The following SIGLEC11 variants were observed in gnomAD, a reference collection of about 807,000 sequenced individuals.
SIGLEC11 encodes sialic acid-binding Ig-like lectin 11.
In SIGLEC11, 47 loss-of-function variants were observed where a neutral mutation model predicts 61.2. The ratio of observed to expected loss-of-function variants is 0.77; its 90% CI spans 0.61 to 0.98. The LOEUF (loss-of-function observed/expected upper bound fraction) is 0.98, where lower values mean the gene tolerates loss of function less well. Among genes scored for constraint, SIGLEC11 ranks in the 50% least tolerant of loss-of-function variants. SIGLEC11 has a pLI of 0.00. For synonymous variants in SIGLEC11, 278 were observed against 373.1 expected (o/e 0.75, Z 2.94); for missense variants, 610 against 870.3 (o/e 0.70, Z 3.76).
At position 49,950,208 on chromosome 19, in the gene SIGLEC11, C is replaced by A; in HGVS notation, c.1859G>T (p.Ser620Ile). ...QGHQHECSAG[S>I]SQDHPPPGAA... The stretch of plus-strand genomic sequence containing the variant: ...ACCTGGGGGCGGGTGGTCTTGGGAG[C>A]TGCCTGCCGAGCATTCATGCTGGTG... The change falls in exon 11 of 11, where the codon AGC becomes ATC. Residue 620 changes from serine to isoleucine, a missense_variant. Transcript: ENST00000447370. 6.3e-7 allele frequency: 1 copy of A among 1,596,408 alleles called. No individual in the cohort carries two copies. Among genetic ancestry groups the A allele is most frequent in the South Asian group, 1.1e-5 (1 of 89,634 alleles).
At chr19:49,952,976 C>T (rs899848136) in intron 8 of SIGLEC11, among the ~76,000 whole-genome samples, 3 of 152,212 alleles carry the variant, frequency 2.0e-5, no homozygotes, top group Non-Finnish European at 2.9e-5. Flanking sequence ...TCCACTGAGC[C>T]GGTTTGCACC....
In SIGLEC11 at chr19:49,950,173, A is replaced by T; in HGVS notation, c.1894T>A (p.Tyr632Asn). ...TGCTCTTCCCCCTTCCCCGGGGTGT[A>T]GGTGGCTGCACCTGGGGGCGGGTGG... Reference protein sequence around the residue: ...QDHPPPGAATYTPGKGEEQEL... With the variant: ...QDHPPPGAATNTPGKGEEQEL... Residue 632 changes from tyrosine (Y) to asparagine (N), a missense_variant, in exon 11 of 11, where the codon TAC (tyrosine) becomes AAC (asparagine). Physicochemically the swap from Tyr to Asn is moderately radical, Grantham distance 143 (BLOSUM62 -2). This residue lies in a region of SIGLEC11 where 432 missense variants were observed against 441.5 expected (regional missense o/e 0.98). Transcript: ENST00000447370. The T allele has an allele frequency of 6.2e-7, 1 of 1,609,948 alleles. No individual in the cohort carries two copies. Among genetic ancestry groups the T allele is most frequent in the Non-Finnish European group, 8.5e-7 (1 of 1,178,936 alleles).
At chr19:49,950,994 C>T (rs942071903) in intron 10 of SIGLEC11, among the ~76,000 whole-genome samples, 1 of 152,174 alleles carries the variant, frequency 6.6e-6, no homozygotes, top group South Asian at 2.1e-4. Context: ...GAAGGAACCT[C>T]TAATGTAGGG....
At position 49,958,671 on chromosome 19, in the gene SIGLEC11, C is replaced by T; in HGVS notation, c.1335G>A (p.Gln445=). 1.2e-6 allele frequency: 2 copies of T among 1,605,762 alleles called. No individual in the cohort carries two copies. Among genetic ancestry groups the T allele is most frequent in the Non-Finnish European group, 1.7e-6 (2 of 1,175,840 alleles). ...GCACGGAGAGGCTGAGAGAGACGTG[C>T]TGGGAGCCCAGAGGGTGCTGAGCGT... The part of the protein sequence containing the change: ...TCHAQHPLGS[Q]HVSLSLSVHY... The change falls in exon 7 of 11, where the codon CAG becomes CAA. Residue 445 remains glutamine, a synonymous_variant. Transcript: ENST00000447370.
At chr19:49,959,167 T>A (rs995644306) in intron 5 of SIGLEC11, 90 bp from the exon 6 acceptor site, 1 of 1,593,474 alleles carries the variant, frequency 6.3e-7, no homozygotes, top group African/African-American at 1.4e-5. Flanking sequence ...GTGGGGGAAG[T>A]GGGTGGGATA....
chr19:49,950,420 C>T (rs546105524), intron 10 of SIGLEC11, among the ~76,000 whole-genome samples, 184 bp from the exon 11 acceptor site: 3 of 152,218 alleles, frequency 2.0e-5, no homozygotes, highest in African/African-American at 7.2e-5. Context: ...TATTTGAGAA[C>T]AATAACATCT....
Position 49,958,447 on chromosome 19 carries a change from C to G in SIGLEC11, c.1487G>C (p.Gly496Ala), listed in dbSNP as rs2076214116. 2 of 1,613,580 alleles carry G rather than the reference C, an allele frequency of 1.2e-6. No individual in the cohort carries two copies. Among genetic ancestry groups the G allele is most frequent in the African/African-American group, 2.7e-5 (2 of 75,052 alleles). The change falls in exon 8 of 11, where the codon GGG (glycine) becomes GCG (alanine). Residue 496 changes from glycine to alanine, a missense_variant. By Grantham distance (60) the Gly-to-Ala change is moderately conservative. This residue lies in a region of SIGLEC11 where 432 missense variants were observed against 441.5 expected (regional missense o/e 0.98). Transcript: ENST00000447370. ...CTCGAAGGAGCCCTGACTGCTGTTC[C>G]CCTCCAGCAGCTCCTCCCCAAGCCA... ...RWWLGEELLE[G>A]NSSQGSFEVT... is the part of the protein sequence containing the mutation.
Position 49,960,356 on chromosome 19 carries a change from T to C in SIGLEC11, c.526A>G (p.Ile176Val). 1.3e-6 allele frequency: 2 copies of C among 1,599,940 alleles called. No individual in the cohort carries two copies. Among genetic ancestry groups the C allele is most frequent in the Non-Finnish European group, 1.7e-6 (2 of 1,178,244 alleles). ...TLEPGQPVTV[I>V]CVFNWAFKKC... ...TTGAAAGCCCAGTTAAACACACAGA[T>C]GACCGTCACCGGCTGCCCGGGCTCC... Residue 176 changes from isoleucine (I) to valine (V), a missense_variant, in exon 3 of 11, where the codon ATC becomes GTC. Physicochemically the swap from Ile to Val is conservative, Grantham distance 29. Around this residue, in one of 6 missense-constraint regions of SIGLEC11, gnomAD observed 99 missense variants for 131.6 expected, o/e 0.75. Coordinates refer to ENST00000447370, the MANE Select transcript of SIGLEC11 (RefSeq NM_052884.3).
At chr19:49,953,807 C>T (rs184605277) in intron 8 of SIGLEC11, among the ~76,000 whole-genome samples, 6 of 151,996 alleles carry the variant, frequency 3.9e-5, no homozygotes, top group African/African-American at 1.4e-4. Flanking sequence ...TGTGCTGGGC[C>T]GTAAAGGAAG....
chr19:49,950,326 ATT>A (rs1291685062), intron 10 of SIGLEC11, 90 bp from the exon 11 acceptor site: 5 of 1,313,368 alleles, frequency 3.8e-6, no homozygotes, highest in Admixed American at 3.2e-5. Flanking sequence ...GAAATTGAGT[ATT>A]TCCTGTTTCA....
chr19:49,950,797 G>A (rs1023207484), intron 10 of SIGLEC11, among the ~76,000 whole-genome samples: 2 of 152,200 alleles, frequency 1.3e-5, no homozygotes, highest in African/African-American at 4.8e-5. Context: ...ATAAGTGGAT[G>A]CCCAGGAAGG....
Position 49,960,617 on chromosome 19 carries a change from C to T in SIGLEC11, c.395G>A (p.Arg132Gln), listed in dbSNP as rs145971205. The change falls in exon 2 of 11, where the codon CGG becomes CAG. Residue 132 changes from arginine (R) to glutamine (Q), a missense_variant. Physicochemically the swap from Arg to Gln is conservative, Grantham distance 43 (BLOSUM62 1). Transcript: ENST00000447370. Reference sequence around the variant, plus strand: ...TCTCACACGGCTTCCTCTCTCCACCCGAAAGAAGTACCATGCCTCATCCTC... The same window carrying T: ...TCTCACACGGCTTCCTCTCTCCACCTGAAAGAAGTACCATGCCTCATCCTC... ...QREDEAWYFF[R>Q]VERGSRVRHS... 144 of 1,600,846 alleles carry T rather than the reference C, an allele frequency of 9.0e-5. No individual in the cohort carries two copies. The highest frequency in any genetic ancestry group is 6.7e-4 in the East Asian group (30 of 44,884).
Position 49,949,483 on chromosome 19 carries a change from T to C in SIGLEC11, c.*487A>G, listed in dbSNP as rs2122873685. ...TGTGCTTTACACATCCAGAGAAGCT[T>C]CTGTAGTAATGAACCATAGACACGA... On this transcript the variant is annotated 3_prime_UTR_variant, in exon 11 of 11. Coordinates refer to ENST00000447370, the MANE Select transcript of SIGLEC11 (RefSeq NM_052884.3). 6.6e-6 allele frequency: 1 copy of C among 152,084 alleles called. No individual in the cohort carries two copies. The highest frequency in any genetic ancestry group is 2.1e-4 in the South Asian group (1 of 4,810). 9.4% of individuals were successfully genotyped at this position (152,084 alleles called of 1,614,324 possible).
intron 9 of SIGLEC11, 56 bp downstream of exon 9, chr19:49,952,242 G>A: frequency 6.5e-7 from 1 of 1,547,728 alleles, no homozygotes; most frequent in Non-Finnish European, 8.9e-7. Context: ...GACTGTCTGG[G>A]ATTCTAGAAC....
chr19:49,958,136 C>A, intron 8 of SIGLEC11, 147 bp downstream of exon 8: 1 of 1,151,376 alleles, frequency 8.7e-7, no homozygotes, highest in East Asian at 2.5e-5. Flanking sequence ...CCTCAGTTTC[C>A]CGCAACAACT....
At chr19:49,957,471 G>A (rs2076204945) in intron 8 of SIGLEC11, among the ~76,000 whole-genome samples, 1 of 150,404 alleles carries the variant, frequency 6.6e-6, no homozygotes, top group Admixed American at 6.6e-5. Context: ...TGTTTAAAAA[G>A]CCAAGGCCAA....
At chr19:49,957,114 C>T (rs927118685) in intron 8 of SIGLEC11, among the ~76,000 whole-genome samples, 1 of 152,152 alleles carries the variant, frequency 6.6e-6, no homozygotes, top group African/African-American at 2.4e-5. Flanking sequence ...TTGCCGAATA[C>T]TCCCTTGTCT....
At chr19:49,953,200 G>A (rs796141115) in intron 8 of SIGLEC11, among the ~76,000 whole-genome samples, 9 of 152,282 alleles carry the variant, frequency 5.9e-5, no homozygotes, top group East Asian at 1.9e-4. Flanking sequence ...CTGAGCCGGC[G>A]CCCCTACCCA....
intron 10 of SIGLEC11, among the ~76,000 whole-genome samples, chr19:49,950,876 C>T (rs1465675652): frequency 1.3e-5 from 2 of 152,150 alleles, no homozygotes; most frequent in African/African-American, 4.8e-5. Flanking sequence ...AAGATCTACT[C>T]GGACACAATT....
Sources: gnomAD v4.1 joint callset for allele counts (sites outside exome capture counted in the v4.1 genomes callset) on GRCh38, gnomAD v4.1.1 for gene constraint, gnomAD v4.1.1 regional missense constraint, MANE v1.5 for transcripts, NCBI Gene and HGNC (gene_info 2026-07-23, HGNC 2026-07-21) for gene names.